TCF20: variants seen among roughly 807,000 people sequenced by gnomAD.
The protein encoded by TCF20 is transcription factor 20.
A neutral mutation model predicts 148.6 loss-of-function variants in TCF20; 3 were observed. The observed-to-expected ratio is 0.02, with a 90% confidence interval of 0.01 to 0.05. The LOEUF (loss-of-function observed/expected upper bound fraction) is 0.05. Among genes scored for constraint, TCF20 ranks in the 10% least tolerant of loss-of-function variants. TCF20 has a pLI of 1.00. For synonymous variants in TCF20, 1,049 were observed against 909.5 expected, an observed-to-expected ratio of 1.15 and a Z score of -2.76; for missense variants, 2,350 against 2,429.3, an observed-to-expected ratio of 0.97 and a Z score of 0.69.
intron 1 of TCF20, among the ~76,000 whole-genome samples, chr22:42,242,500 C>T (rs1413541457): frequency 6.6e-6 from 1 of 152,008 alleles, no homozygotes; most frequent in East Asian, 1.9e-4. Flanking sequence ...TAGGGGTTAT[C>T]ATAGGGTATA....
At chr22:42,242,476 T>TA (rs1410356476) in intron 1 of TCF20, among the ~76,000 whole-genome samples, 1 of 152,038 alleles carries the variant, frequency 6.6e-6, no homozygotes, top group African/African-American at 2.4e-5. Context: ...ATTAAATATC[T>TA]ATTGTGGTCA....
intron 2 of TCF20, among the ~76,000 whole-genome samples, chr22:42,183,655 A>G (rs147607187): frequency 6.6e-6 from 1 of 152,192 alleles, no homozygotes; most frequent in Non-Finnish European, 1.5e-5. Flanking sequence ...CTTTGAACCT[A>G]CAGAACTGTA....
intron 1 of TCF20, among the ~76,000 whole-genome samples, chr22:42,223,136 G>GT (rs542443343): frequency 2.0e-3 from 309 of 152,298 alleles, no homozygotes; most frequent in African/African-American, 7.3e-3. Context: ...GGGTGCTACA[G>GT]TAAGACCTGT....
intron 1 of TCF20, among the ~76,000 whole-genome samples, chr22:42,242,227 A>AAAT (rs1491280192): frequency 0.021 from 2,564 of 122,594 alleles, 226 homozygotes; most frequent in African/African-American, 0.042. Context: ...AAAAAAAAAA[A>AAAT]CAGAAAAGAA....
chr22:42,212,324 T>G lies in TCF20; in HGVS notation c.2982A>C (p.Arg994Ser), dbSNP rs1045283335. 23 of 1,614,180 alleles carry G rather than the reference T, an allele frequency of 1.4e-5. No homozygotes were observed. Among genetic ancestry groups the G allele is most frequent in the Non-Finnish European group, 1.6e-5 (19 of 1,180,030 alleles). Residue 994 changes from arginine to serine, a missense_variant, in exon 2 of 6, where the codon AGA becomes AGC. Physicochemically the swap from Arg to Ser is moderately radical, Grantham distance 110. Transcript: ENST00000677622. ...CCCTCATGCCCTCCCGACCACCAAC[T>G]CTGCCAGGGACCCGCCGCATTGGCG... is the stretch of plus-strand genomic sequence containing the variant. The part of the protein sequence containing the change: ...RPTPMRRVPG[R>S]VGGREGMRGR...
chr22:42,209,916 C>T lies in TCF20; in HGVS notation c.5390G>A (p.Gly1797Glu), dbSNP rs368915491. 5.6e-6 allele frequency: 9 copies of T among 1,614,066 alleles called. No individual in the cohort carries two copies. In the African/African-American group the frequency reaches 1.2e-4, roughly 22 times the overall value. The change falls in exon 2 of 6, where the codon GGA becomes GAA. Residue 1797 changes from glycine (G) to glutamate (E), a missense_variant. Gly to Glu is a moderately conservative substitution (Grantham distance 98). Coordinates refer to ENST00000677622, the MANE Select transcript of TCF20 (RefSeq NM_001378418.1). The stretch of plus-strand genomic sequence containing the variant: ...CCCCCTGGACAGGGACCGAGGGCCT[C>T]CACCACAGTCTTCCGAGCGGTGGCG... ...KRRHRSEDCGGGPRSLSRGLP... is the reference protein window; with the variant it reads ...KRRHRSEDCGEGPRSLSRGLP...
rs753406817 is a variant in TCF20, at chr22:42,211,336, C to A, written c.3970G>T (p.Asp1324Tyr). 3 of 1,614,190 alleles carry A rather than the reference C, an allele frequency of 1.9e-6. No individual in the cohort carries two copies. The highest frequency in any genetic ancestry group is 2.5e-6 in the Non-Finnish European group (3 of 1,180,044). The change falls in exon 2 of 6, where the codon GAT becomes TAT. Residue 1324 changes from aspartate (D) to tyrosine (Y), a missense_variant. Around this residue, in one of 7 missense-constraint regions of TCF20, gnomAD observed 1,641 missense variants for 1,662.6 expected, o/e 0.99. Coordinates refer to ENST00000677622, the MANE Select transcript of TCF20 (RefSeq NM_001378418.1). ...GTAACAGCAGGGCAGTTTCTACTAT[C>A]TGGACTTGGAAGGTCCTTGGAGGAA... ...RDSSKDLPSP[D>Y]SRNCPAVTLT...
chr22:42,207,681 G>C (rs1601586685), intron 2 of TCF20, among the ~76,000 whole-genome samples: 1 of 152,188 alleles, frequency 6.6e-6, no homozygotes, highest in Admixed American at 6.5e-5. Flanking sequence ...TGTGCATGGT[G>C]GCGCATGCCT....
At chr22:42,260,502 G>T (rs928830620) in intron 1 of TCF20, among the ~76,000 whole-genome samples, 1 of 152,152 alleles carries the variant, frequency 6.6e-6, no homozygotes, top group African/African-American at 2.4e-5. Flanking sequence ...AAGAGGGTAT[G>T]GTTCTTGAGA....
rs536345178 is a variant in TCF20, at chr22:42,160,201, A to G, written c.*1202T>C. The stretch of plus-strand genomic sequence containing the variant: ...ACTTTTTTCTTTTTTTAAAACTCAG[A>G]TATTTAAAAATTATACAATTTACAA... On this transcript the variant is annotated 3_prime_UTR_variant, in exon 6 of 6. Coordinates refer to ENST00000677622, the MANE Select transcript of TCF20 (RefSeq NM_001378418.1). 1 of 152,732 alleles carries G rather than the reference A, an allele frequency of 6.5e-6. No individual in the cohort carries two copies. The highest frequency in any genetic ancestry group is 2.4e-5 in the African/African-American group (1 of 41,570). The allele number at this position is 152,732 out of a possible 1,614,324, so 9.5% of individuals were successfully genotyped here. A position where few individuals can be genotyped will look rare whatever the true frequency, so the allele number is the denominator to read the frequency against.
intron 2 of TCF20, among the ~76,000 whole-genome samples, chr22:42,182,734 T>A (rs1168296965): frequency 6.6e-6 from 1 of 152,146 alleles, no homozygotes; most frequent in Non-Finnish European, 1.5e-5. Flanking sequence ...GAAATGCAGT[T>A]TTGTTTTTTG....
In TCF20 at chr22:42,215,133, C is replaced by G. The variant is rs555261601; in HGVS notation, c.173G>C (p.Gly58Ala). ...CGCAGCAGCTGCTGCTCCTCGTCGT[C>G]CACCACCACTGCCACTGCCACTGCT... is the stretch of plus-strand genomic sequence containing the variant. ...SGSSGSGSGG[G>A]RRGAAAAAAA... Residue 58 changes from glycine (G) to alanine (A), a missense_variant, in exon 2 of 6, where the codon GGA (glycine) becomes GCA (alanine). Transcript: ENST00000677622. 1 of 1,614,094 alleles carries G rather than the reference C, an allele frequency of 6.2e-7. No individual in the cohort carries two copies. Among genetic ancestry groups the G allele is most frequent in the African/African-American group, 1.3e-5 (1 of 75,064 alleles).
chr22:42,175,901 C>T lies in TCF20; in HGVS notation c.5749+3708G>A, dbSNP rs5758625. On this transcript the variant is annotated intron_variant, in intron 3 of 5. Coordinates refer to ENST00000677622, the MANE Select transcript of TCF20 (RefSeq NM_001378418.1). ...AGGGTCATGCAGCCCCTCCTGGGTC[C>T]TTCCATCTCAGCCTCCCTGGGTAGC... Among the ~76,000 whole-genome samples the T allele has an allele frequency of 0.016, 2,460 of 152,156 alleles. 497 individuals are homozygous for T. In the East Asian group the frequency reaches 0.43, roughly 27 times the overall value.
intron 2 of TCF20, among the ~76,000 whole-genome samples, chr22:42,186,510 A>T (rs1037261780): frequency 6.8e-6 from 1 of 147,902 alleles, no homozygotes; most frequent in African/African-American, 2.7e-5. Context: ...CAGTCTATTA[A>T]ATTAAGACAA....
chr22:42,173,005 T>A (rs555958692), intron 3 of TCF20, among the ~76,000 whole-genome samples: 240 of 152,096 alleles, frequency 1.6e-3, no homozygotes, highest in Middle Eastern at 3.4e-3. Flanking sequence ...TAATGACCCA[T>A]CCAGGGCTCT....
chr22:42,186,164 C>T (rs1937035889), intron 2 of TCF20, among the ~76,000 whole-genome samples: 1 of 152,186 alleles, frequency 6.6e-6, no homozygotes. Flanking sequence ...AAGTTCCAGG[C>T]TTGACTAGCT....
intron 1 of TCF20, among the ~76,000 whole-genome samples, chr22:42,291,819 C>G (rs540328450): frequency 1.6e-4 from 25 of 151,962 alleles, no homozygotes; most frequent in African/African-American, 5.8e-4. Context: ...GTCCAGAGCA[C>G]AGATACACAC....
chr22:42,294,713 C>T (rs752615669), intron 1 of TCF20, among the ~76,000 whole-genome samples: 4 of 152,224 alleles, frequency 2.6e-5, no homozygotes, highest in South Asian at 2.1e-4. Context: ...ACAAAGTAGA[C>T]GCTGATGTCC....
intron 1 of TCF20, among the ~76,000 whole-genome samples, chr22:42,234,028 T>C (rs189923005): frequency 4.6e-5 from 7 of 152,260 alleles, no homozygotes; most frequent in African/African-American, 1.7e-4. Flanking sequence ...ACAAACAAAA[T>C]GTAAAAACAT....
Sources: gnomAD v4.1 joint callset for allele counts (sites outside exome capture counted in the v4.1 genomes callset) on GRCh38, gnomAD v4.1.1 for gene constraint, gnomAD v4.1.1 regional missense constraint, MANE v1.5 for transcripts, NCBI Gene and HGNC (gene_info 2026-07-23, HGNC 2026-07-21) for gene names.